ABL2: variants seen among roughly 807,000 people sequenced by gnomAD.
ABL2 encodes the protein tyrosine-protein kinase ABL2.
In ABL2, 49 loss-of-function variants were observed where a neutral mutation model predicts 107.7. The ratio of observed to expected loss-of-function variants is 0.45; its 90% confidence interval spans 0.36 to 0.58. The LOEUF (loss-of-function observed/expected upper bound fraction) is 0.58, where lower values mean the gene tolerates loss of function less well. Ranked by LOEUF, ABL2 falls within the 20% of genes least tolerant of loss-of-function variation. The pLI is 0.00. For missense variants in ABL2, 1,245 were observed against 1,457.0 expected, an observed-to-expected ratio of 0.85 and a Z score of 2.37; for synonymous variants, 549 against 548.6, an observed-to-expected ratio of 1.00 and a Z score of -0.01.
chr1:179,191,243 A>T (rs1367678242), intron 1 of ABL2, among the ~76,000 whole-genome samples: 1 of 152,196 alleles, frequency 6.6e-6, no homozygotes, highest in Non-Finnish European at 1.5e-5. Flanking sequence ...AAGGATTATA[A>T]ACCCAAAGTT....
In ABL2 at chr1:179,176,699, A is replaced by ACTCTTTTTTTTT. The variant is rs1188664666; in HGVS notation, c.158-43326_158-43325insAAAAAAAAAGAG. Among the ~76,000 whole-genome samples, 9 of 25,258 alleles carry ACTCTTTTTTTTT rather than the reference A, an allele frequency of 3.6e-4. No individual in the cohort carries two copies. The Admixed American group carries it at 3.9e-3, about 11-fold the overall frequency. 16.6% of individuals were successfully genotyped at this position (25,258 alleles called of 152,430 possible). ...GCATTTGTTTTTAGTGTTGTTACAT[A>ACTCTTTTTTTTT]TTCTTTTTTTTTTCCAGACAGATTC... On this transcript the variant is annotated intron_variant, in intron 1 of 11. Coordinates refer to ENST00000502732, the MANE Select transcript of ABL2 (RefSeq NM_007314.4).
chr1:179,139,957 G>A (rs1329005020), intron 1 of ABL2, among the ~76,000 whole-genome samples: 2 of 152,158 alleles, frequency 1.3e-5, no homozygotes, highest in African/African-American at 4.8e-5. Flanking sequence ...CTGGTCCCTG[G>A]TGCCAAAAAG....
At chr1:179,224,107 G>A (rs1293897954) in intron 1 of ABL2, among the ~76,000 whole-genome samples, 1 of 122,652 alleles carries the variant, frequency 8.2e-6, no homozygotes, top group Non-Finnish European at 1.6e-5. Context: ...CTCCAGCCTG[G>A]GCAAGAGAGT....
chr1:179,111,980 G>C (rs1654122149), intron 10 of ABL2, among the ~76,000 whole-genome samples: 1 of 152,048 alleles, frequency 6.6e-6, no homozygotes, highest in Non-Finnish European at 1.5e-5. Flanking sequence ...GGGAGGTGGA[G>C]GTTGCAGTGA....
intron 1 of ABL2, among the ~76,000 whole-genome samples, chr1:179,196,768 C>T (rs973193719): frequency 7.2e-6 from 1 of 138,074 alleles, no homozygotes; most frequent in African/African-American, 2.7e-5. Flanking sequence ...TCTTAAAAAA[C>T]AAACAAACAA....
intron 1 of ABL2, among the ~76,000 whole-genome samples, chr1:179,174,132 A>G (rs1300400031): frequency 2.0e-5 from 3 of 152,094 alleles, no homozygotes; most frequent in African/African-American, 7.2e-5. Context: ...TACTAAAAAT[A>G]CAAAAAGTAG....
intron 1 of ABL2, chr1:179,184,058 ACT>A (rs1660544045): frequency 7.6e-6 from 2 of 263,966 alleles, no homozygotes; most frequent in Admixed American, 4.6e-5. Flanking sequence ...CAGAAAATAA[ACT>A]CTGTCAGCCA....
intron 1 of ABL2, among the ~76,000 whole-genome samples, chr1:179,188,256 C>T (rs1478336529): frequency 6.6e-6 from 1 of 152,184 alleles, no homozygotes; most frequent in African/African-American, 2.4e-5. Context: ...TAAAACAGCA[C>T]ATCTGCTGGG....
chr1:179,128,560 T>C (rs1655969107), intron 3 of ABL2, among the ~76,000 whole-genome samples: 1 of 152,202 alleles, frequency 6.6e-6, no homozygotes, highest in Non-Finnish European at 1.5e-5. Flanking sequence ...TTGTTTGTTG[T>C]TCTTTTTTTG....
chr1:179,148,445 A>C (rs1016972874), intron 1 of ABL2, among the ~76,000 whole-genome samples: 1 of 152,150 alleles, frequency 6.6e-6, no homozygotes, highest in Admixed American at 6.5e-5. Context: ...TATTATGGTG[A>C]TCTGTGATCA....
intron 1 of ABL2, among the ~76,000 whole-genome samples, chr1:179,166,522 T>C (rs376680144): frequency 3.3e-5 from 5 of 152,020 alleles, no homozygotes; most frequent in Admixed American, 2.6e-4. Context: ...CTCACGCCTG[T>C]AATCCCAGCA....
At chr1:179,165,128 T>A (rs1484671917) in intron 1 of ABL2, among the ~76,000 whole-genome samples, 1 of 152,170 alleles carries the variant, frequency 6.6e-6, no homozygotes, top group Middle Eastern at 3.2e-3. Context: ...GTGAGGTGAA[T>A]GATGCAGACA....
chr1:179,174,921 A>T (rs1168232153), intron 1 of ABL2, among the ~76,000 whole-genome samples: 2 of 121,986 alleles, frequency 1.6e-5, no homozygotes, highest in Non-Finnish European at 3.7e-5. Flanking sequence ...AAATAAAAAA[A>T]ATAATAATAA....
chr1:179,218,308 G>A (rs895365911), intron 1 of ABL2, among the ~76,000 whole-genome samples: 18 of 152,154 alleles, frequency 1.2e-4, no homozygotes, highest in African/African-American at 4.3e-4. Context: ...AATAGGCTAG[G>A]AACAAATGAA....
At chr1:179,227,105 T>C (rs1428550106) in intron 1 of ABL2, among the ~76,000 whole-genome samples, 1 of 152,216 alleles carries the variant, frequency 6.6e-6, no homozygotes, top group East Asian at 1.9e-4. Flanking sequence ...TATAAACTTC[T>C]CTGCCAGATT....
Position 179,126,506 on chromosome 1 carries a change from C to G in ABL2, c.558G>C (p.Leu186=). The change falls in exon 4 of 12, where the codon CTG becomes CTC. Residue 186 remains leucine, a synonymous_variant. Coordinates refer to ENST00000502732, the MANE Select transcript of ABL2 (RefSeq NM_007314.4). This position sits in a 1 kb window ranked among gnomAD's most constrained non-coding sequence, Gnocchi z 4.4. ...GPVSRSAAEY[L]LSSLINGSFL... is the part of the protein sequence containing the mutation. The stretch of plus-strand genomic sequence containing the variant: ...AGCTGCCATTGATTAGACTGCTGAG[C>G]AGATACTCAGCTGCACTGCGTGACA... 1 of 1,614,170 alleles carries G rather than the reference C, an allele frequency of 6.2e-7. No homozygotes were observed. Among genetic ancestry groups the G allele is most frequent in the Non-Finnish European group, 8.5e-7 (1 of 1,180,040 alleles).
chr1:179,142,301 C>T (rs1176441953), intron 1 of ABL2, among the ~76,000 whole-genome samples: 3 of 152,108 alleles, frequency 2.0e-5, no homozygotes, highest in Non-Finnish European at 4.4e-5. Context: ...TCTATTGCTA[C>T]AGTTGCAGGC....
intron 1 of ABL2, chr1:179,201,718 T>C: frequency 2.9e-6 from 2 of 693,818 alleles, no homozygotes; most frequent in East Asian, 3.8e-5. Flanking sequence ...GGCATTGATA[T>C]GCAGCAAGTT....
rs763949080 is a variant in ABL2, at chr1:179,131,384, C to T, written c.318G>A (p.Glu106=). 1 of 1,614,234 alleles carries T rather than the reference C, an allele frequency of 6.2e-7. No homozygotes were observed. The highest frequency in any genetic ancestry group is 8.5e-7 in the Non-Finnish European group (1 of 1,180,040). ...SSKENLLGAT[E]SDPNLFVALY... ...GTGCAACGAAGAGATTAGGGTCACTCTCAGTGGCTCCGAGCAAGTTCTCCT... is the reference window on the plus strand; with the variant it reads ...GTGCAACGAAGAGATTAGGGTCACTTTCAGTGGCTCCGAGCAAGTTCTCCT... The change falls in exon 3 of 12, where the codon GAG becomes GAA. Residue 106 remains glutamate, a synonymous_variant. Coordinates refer to ENST00000502732, the MANE Select transcript of ABL2 (RefSeq NM_007314.4).
Sources: gnomAD v4.1 joint callset for allele counts (sites outside exome capture counted in the v4.1 genomes callset) on GRCh38, gnomAD v4.1.1 for gene constraint, Gnocchi (gnomAD v3.1) non-coding constraint, MANE v1.5 for transcripts, NCBI Gene and HGNC (gene_info 2026-07-23, HGNC 2026-07-21) for gene names.